The following SCIN variants were observed in gnomAD, a reference collection of about 807,000 sequenced individuals.
The protein encoded by SCIN is scinderin.
SCIN carries 91 observed loss-of-function variants against 91.8 expected under a neutral mutation model. The ratio of observed to expected loss-of-function variants is 0.99; its 90% confidence interval spans 0.84 to 1.18. The LOEUF (loss-of-function observed/expected upper bound fraction) is 1.18. Ranked by LOEUF, SCIN falls within the 50% of genes most tolerant of loss-of-function variation. The probability of loss-of-function intolerance (pLI) is 0.00; values close to 1 mark genes in which losing one functional copy is unlikely to be tolerated. For missense variants in SCIN, 1,087 were observed against 863.9 expected (o/e 1.26, Z -3.24); for synonymous variants, 367 against 312.6 (o/e 1.17, Z -1.84).
chr7:12,646,852 TG>T (rs1783975572), intron 13 of SCIN, among the ~76,000 whole-genome samples: 1 of 152,182 alleles, frequency 6.6e-6, no homozygotes, highest in African/African-American at 2.4e-5. Context: ...AAGTCTCCCT[TG>T]AAGGTTATAA....
intron 9 of SCIN, among the ~76,000 whole-genome samples, chr7:12,629,578 G>A (rs1644898266): frequency 6.6e-6 from 1 of 152,008 alleles, no homozygotes; most frequent in Admixed American, 6.6e-5. Context: ...AATTCACAGA[G>A]GTCCATCCTA....
chr7:12,596,740 C>T (rs1237589097), intron 3 of SCIN, among the ~76,000 whole-genome samples: 1 of 151,598 alleles, frequency 6.6e-6, no homozygotes, highest in African/African-American at 2.4e-5. Context: ...TATAATTTCA[C>T]CTGTGCTCAC....
At position 12,650,211 on chromosome 7, in the gene SCIN, T is replaced by C. The variant is rs1461039408; in HGVS notation, c.1959+667T>C. Among the ~76,000 whole-genome samples the C allele has an allele frequency of 5.3e-5, 8 of 152,186 alleles. No homozygotes were observed. In the South Asian group the frequency reaches 1.2e-3, roughly 24 times the overall value. ...TTGTTCCTTTTAAGTTTGTTCCCAA[T>C]TAATAAACCATTCAGTTATATCACA... On this transcript the variant is annotated intron_variant, in intron 14 of 15. Transcript: ENST00000297029.
rs1260914563 is a variant in SCIN at position 12,655,006 on chromosome 7, C to T, written c.*2291C>T. The T allele has an allele frequency of 6.6e-6, 1 of 152,116 alleles. No homozygotes were observed. Among genetic ancestry groups the T allele is most frequent in the Non-Finnish European group, 1.5e-5 (1 of 68,000 alleles). The allele number at this position is 152,116 out of a possible 1,614,324, so 9.4% of individuals were successfully genotyped here. On this transcript the variant is annotated 3_prime_UTR_variant, in exon 16 of 16. Coordinates refer to ENST00000297029, the MANE Select transcript of SCIN (RefSeq NM_001112706.3). ...GAAAATATGATATACGGTTTTTCTTCAGTATCCGCGGGAGATTGGCTCGAG... is the reference window on the plus strand; with the variant it reads ...GAAAATATGATATACGGTTTTTCTTTAGTATCCGCGGGAGATTGGCTCGAG...
chr7:12,603,885 G>C (rs1783015848), intron 3 of SCIN, among the ~76,000 whole-genome samples: 2 of 140,342 alleles, frequency 1.4e-5, no homozygotes, highest in African/African-American at 5.2e-5. Context: ...TAATTACATA[G>C]CAACGAAAAC....
intron 3 of SCIN, among the ~76,000 whole-genome samples, chr7:12,587,030 G>A (rs1197614808): frequency 6.6e-6 from 1 of 152,096 alleles, no homozygotes; most frequent in African/African-American, 2.4e-5. Flanking sequence ...GCTATGTGGT[G>A]AATACAGTTA....
At position 12,652,939 on chromosome 7, in the gene SCIN, C is replaced by G. The variant is rs567170294; in HGVS notation, c.*224C>G. The G allele has an allele frequency of 2.5e-4, 105 of 426,782 alleles. No homozygotes were observed. Among genetic ancestry groups the G allele is most frequent in the African/African-American group, 2.1e-3 (98 of 46,906 alleles). 26.4% of individuals were successfully genotyped at this position (426,782 alleles called of 1,614,324 possible). A position where few individuals can be genotyped will look rare whatever the true frequency, so the allele number is the denominator to read the frequency against. ...CCAACATGGCGAAACCTCGCCTCTA[C>G]TAAAAATACAAAAAAATTAGCTGCG... On this transcript the variant is annotated 3_prime_UTR_variant, in exon 16 of 16. Coordinates refer to ENST00000297029, the MANE Select transcript of SCIN (RefSeq NM_001112706.3).
chr7:12,608,649 T>C (rs1185667452), intron 4 of SCIN, among the ~76,000 whole-genome samples: 1 of 151,990 alleles, frequency 6.6e-6, no homozygotes, highest in Non-Finnish European at 1.5e-5. Flanking sequence ...AGCTAATTTT[T>C]TGCATTTTTA....
rs1179052860 is a variant in SCIN at position 12,657,424 on chromosome 7, G to A, written c.*4709G>A. On this transcript the variant is annotated 3_prime_UTR_variant, in exon 16 of 16. Coordinates refer to ENST00000297029, the MANE Select transcript of SCIN (RefSeq NM_001112706.3). Reference sequence around the variant, plus strand: ...GGGTTTTGCCATGTTGTCCAGGCTGGTCTTGAACTCCTAGACTCAGGAAAT... The same window carrying A: ...GGGTTTTGCCATGTTGTCCAGGCTGATCTTGAACTCCTAGACTCAGGAAAT... 6.7e-6 allele frequency: 1 copy of A among 148,658 alleles called. No individual in the cohort carries two copies. Among genetic ancestry groups the A allele is most frequent in the Non-Finnish European group, 1.5e-5 (1 of 67,232 alleles). The allele number at this position is 148,658 out of a possible 1,614,324, so 9.2% of individuals were successfully genotyped here. A position where few individuals can be genotyped will look rare whatever the true frequency, so the allele number is the denominator to read the frequency against.
At chr7:12,574,880 T>A (rs1024604551) in intron 1 of SCIN, among the ~76,000 whole-genome samples, 5 of 152,178 alleles carry the variant, frequency 3.3e-5, no homozygotes, top group Non-Finnish European at 7.4e-5. Context: ...TAATAAACCT[T>A]ACTGTGATTT....
At chr7:12,640,264 A>T in intron 10 of SCIN, 83 bp from the exon 11 acceptor site, 1 of 1,205,658 alleles carries the variant, frequency 8.3e-7, no homozygotes. Context: ...TCAAAAAGAC[A>T]ACATAAGAAC....
At chr7:12,619,122 TA>T (rs1422784536) in intron 4 of SCIN, among the ~76,000 whole-genome samples, 1 of 152,112 alleles carries the variant, frequency 6.6e-6, no homozygotes, top group Non-Finnish European at 1.5e-5. Flanking sequence ...CCCTCAATGA[TA>T]AATGCCTTTA....
At chr7:12,643,224 A>G (rs1226310458) in intron 11 of SCIN, among the ~76,000 whole-genome samples, 1 of 152,146 alleles carries the variant, frequency 6.6e-6, no homozygotes, top group Non-Finnish European at 1.5e-5. Flanking sequence ...TGCACCAGTC[A>G]AGATCATTTT....
At chr7:12,649,997 T>G (rs2115303876) in intron 14 of SCIN, among the ~76,000 whole-genome samples, 1 of 152,316 alleles carries the variant, frequency 6.6e-6, no homozygotes, top group East Asian at 1.9e-4. Context: ...CACAGTAAAA[T>G]ATGTTCCTGT....
intron 14 of SCIN, among the ~76,000 whole-genome samples, 200 bp downstream of exon 14, chr7:12,649,744 G>C (rs1409914803): frequency 6.6e-6 from 1 of 152,128 alleles, no homozygotes; most frequent in Non-Finnish European, 1.5e-5. Context: ...TAATTCCAGA[G>C]CTACCATCTT....
intron 4 of SCIN, among the ~76,000 whole-genome samples, chr7:12,610,080 C>G (rs1215496852): frequency 6.6e-6 from 1 of 152,134 alleles, no homozygotes; most frequent in African/African-American, 2.4e-5. Flanking sequence ...CTGAATAACA[C>G]CACAATTTGT....
intron 4 of SCIN, among the ~76,000 whole-genome samples, chr7:12,620,179 C>T (rs1460906392): frequency 6.6e-6 from 1 of 151,944 alleles, no homozygotes; most frequent in Non-Finnish European, 1.5e-5. Context: ...TAATTAACAT[C>T]TGTCAACTCA....
chr7:12,602,967 G>C (rs1392911830), intron 3 of SCIN, among the ~76,000 whole-genome samples: 3 of 152,156 alleles, frequency 2.0e-5, no homozygotes, highest in African/African-American at 7.2e-5. Flanking sequence ...AGCATTATTT[G>C]GGAAGTGATA....
intron 10 of SCIN, among the ~76,000 whole-genome samples, chr7:12,637,676 G>A (rs1052688548): frequency 2.6e-5 from 4 of 151,996 alleles, no homozygotes; most frequent in Non-Finnish European, 5.9e-5. Flanking sequence ...TAGTGTGAGA[G>A]GGAGGAGAGA....
Sources: gnomAD v4.1 joint callset for allele counts (sites outside exome capture counted in the v4.1 genomes callset) on GRCh38, gnomAD v4.1.1 for gene constraint, MANE v1.5 for transcripts, NCBI Gene and HGNC (gene_info 2026-07-23, HGNC 2026-07-21) for gene names.